SMCO4: variants seen among roughly 807,000 people sequenced by gnomAD.
The protein encoded by SMCO4 is single-pass membrane and coiled-coil domain-containing protein 4.
In SMCO4, 4 loss-of-function variants were observed where a neutral mutation model predicts 3.6. That is an observed-to-expected ratio of 1.11 (90% CI 0.54 to 2.53). SMCO4 has a LOEUF of 2.53. SMCO4 is among the 30% of genes most tolerant of loss of function. The pLI is 0.02. For missense variants in SMCO4, 70 were observed against 80.8 expected, an observed-to-expected ratio of 0.87 and a Z score of 0.51; for synonymous variants, 36 against 35.3, an observed-to-expected ratio of 1.02 and a Z score of -0.07.
chr11:93,526,595 T>A (rs1949110692), intron 1 of SMCO4, among the ~76,000 whole-genome samples: 1 of 152,122 alleles, frequency 6.6e-6, no homozygotes, highest in Non-Finnish European at 1.5e-5. Flanking sequence ...AAAGCAAACC[T>A]GCTGCTCTTC....
At chr11:93,518,603 C>A (rs1218290793) in intron 1 of SMCO4, among the ~76,000 whole-genome samples, 1 of 152,140 alleles carries the variant, frequency 6.6e-6, no homozygotes, top group East Asian at 1.9e-4. Flanking sequence ...ATGCAAACCT[C>A]AATGAAATCA....
At chr11:93,526,163 C>A (rs182642608) in intron 1 of SMCO4, among the ~76,000 whole-genome samples, 1 of 152,108 alleles carries the variant, frequency 6.6e-6, no homozygotes. Flanking sequence ...AAGCATCAAG[C>A]ACAGAAAGGG....
At chr11:93,553,556 G>A in the SMCO4 span, among the ~76,000 whole-genome samples, 1 of 152,174 alleles carries the variant, frequency 6.6e-6, no homozygotes, top group African/African-American at 2.4e-5. Context: ...ATGTTACAGT[G>A]TTGCAGATCT....
At chr11:93,534,373 TATAGAG>T (rs900621531) in intron 1 of SMCO4, among the ~76,000 whole-genome samples, 5 of 134,186 alleles carry the variant, frequency 3.7e-5, no homozygotes, top group Admixed American at 7.4e-5. Context: ...TATATATATA[TATAGAG>T]AGAGAGAGAG....
chr11:93,482,029 T>A (rs1948597898), intron 2 of SMCO4, among the ~76,000 whole-genome samples: 1 of 152,252 alleles, frequency 6.6e-6, no homozygotes, highest in African/African-American at 2.4e-5. Flanking sequence ...GTAAGATGCA[T>A]TCAGAAGTTC....
intron 1 of SMCO4, among the ~76,000 whole-genome samples, chr11:93,514,402 ATATATATATATATAT>A (rs1555077547): frequency 1.0e-5 from 1 of 99,644 alleles, no homozygotes; most frequent in Non-Finnish European, 1.9e-5. Flanking sequence ...ATATATATAT[ATATATATATATATAT>A]ATATAAAATT....
At chr11:93,521,801 C>T (rs1949060233) in intron 1 of SMCO4, among the ~76,000 whole-genome samples, 2 of 152,174 alleles carry the variant, frequency 1.3e-5, no homozygotes, top group Admixed American at 6.5e-5. Context: ...ATGAAGGGAA[C>T]ATAAAAGAGA....
At chr11:93,506,347 A>T (rs1463442720) in intron 1 of SMCO4, among the ~76,000 whole-genome samples, 1 of 152,218 alleles carries the variant, frequency 6.6e-6, no homozygotes, top group Non-Finnish European at 1.5e-5. Context: ...CAAAAGCAAT[A>T]GCAGGTAAAA....
chr11:93,535,768 A>G (rs1423949192), intron 1 of SMCO4: 1 of 1,607,010 alleles, frequency 6.2e-7, no homozygotes, highest in African/African-American at 1.4e-5. Context: ...AGACAAAAAG[A>G]ACAAAACTAA....
chr11:93,480,331 G>A (rs1021262794), intron 2 of SMCO4, among the ~76,000 whole-genome samples: 3 of 152,158 alleles, frequency 2.0e-5, no homozygotes, highest in African/African-American at 7.2e-5. Context: ...GGGCACTGGA[G>A]CAGGAGGTGC....
At chr11:93,533,704 A>G (rs1949185086) in intron 1 of SMCO4, among the ~76,000 whole-genome samples, 1 of 152,126 alleles carries the variant, frequency 6.6e-6, no homozygotes, top group Non-Finnish European at 1.5e-5. Flanking sequence ...GGAAGAGAAC[A>G]TCCCAACTCA....
chr11:93,533,498 GCT>G (rs1949182673), intron 1 of SMCO4, among the ~76,000 whole-genome samples: 1 of 152,164 alleles, frequency 6.6e-6, no homozygotes, highest in Admixed American at 6.5e-5. Flanking sequence ...GCCTACTTGT[GCT>G]CTGTCCTGGC....
intron 1 of SMCO4, among the ~76,000 whole-genome samples, chr11:93,529,479 C>T (rs952794220): frequency 3.3e-5 from 5 of 152,066 alleles, no homozygotes; most frequent in African/African-American, 9.7e-5. Context: ...ATCGGCCTCC[C>T]AGATAACCTC....
At chr11:93,523,802 A>G (rs893285616) in intron 1 of SMCO4, among the ~76,000 whole-genome samples, 1 of 152,168 alleles carries the variant, frequency 6.6e-6, no homozygotes, top group Non-Finnish European at 1.5e-5. Flanking sequence ...GTGTTTTGGC[A>G]TTTCCTCATT....
At position 93,503,776 on chromosome 11, in the gene SMCO4, G is replaced by A. The variant is rs148338910; in HGVS notation, c.-153-4428C>T. Among the ~76,000 whole-genome samples the A allele has an allele frequency of 2.3e-4, 35 of 152,278 alleles. No individual in the cohort carries two copies. In the East Asian group the frequency reaches 6.8e-3, roughly 29 times the overall value. ...CTCCCCTAGAGTCTGTGCACATGGAGCACGGTCCTGCCCATACCTTGATTT... is the reference window on the plus strand; with the variant it reads ...CTCCCCTAGAGTCTGTGCACATGGAACACGGTCCTGCCCATACCTTGATTT... On this transcript the variant is annotated intron_variant, in intron 1 of 2. Transcript: ENST00000298966.
At chr11:93,539,630 A>G (rs1949255608) in intron 1 of SMCO4, among the ~76,000 whole-genome samples, 1 of 152,222 alleles carries the variant, frequency 6.6e-6, no homozygotes, top group Non-Finnish European at 1.5e-5. Flanking sequence ...ATCAGTCACA[A>G]CAAACACCCT....
the SMCO4 span, among the ~76,000 whole-genome samples, chr11:93,552,478 A>ATTATTATT: frequency 7.5e-6 from 1 of 133,788 alleles, no homozygotes; most frequent in Non-Finnish European, 1.6e-5. Context: ...TATTATTATT[A>ATTATTATT]TTATTATTTT....
chr11:93,516,769 G>A (rs1267898290), intron 1 of SMCO4, among the ~76,000 whole-genome samples: 1 of 151,322 alleles, frequency 6.6e-6, no homozygotes, highest in East Asian at 1.9e-4. Context: ...CAGCCTGGGT[G>A]ACAAAGCAAG....
intron 2 of SMCO4, among the ~76,000 whole-genome samples, chr11:93,481,077 C>T (rs1237111105): frequency 6.6e-6 from 1 of 152,070 alleles, no homozygotes; most frequent in Non-Finnish European, 1.5e-5. Context: ...TTTCTTAAGG[C>T]CTGAAAGGTA....
Sources: gnomAD v4.1 joint callset for allele counts (sites outside exome capture counted in the v4.1 genomes callset) on GRCh38, gnomAD v4.1.1 for gene constraint, MANE v1.5 for transcripts, NCBI Gene and HGNC (gene_info 2026-07-23, HGNC 2026-07-21) for gene names.